ZMYM2: variants seen among roughly 807,000 people sequenced by gnomAD.
ZMYM2 encodes zinc finger MYM-type containing 2.
A neutral mutation model predicts 162.8 loss-of-function variants in ZMYM2; 56 were observed. The observed-to-expected ratio is 0.34, with a 90% CI of 0.28 to 0.43. The LOEUF (loss-of-function observed/expected upper bound fraction) is 0.43, where lower values mean the gene tolerates loss of function less well. Among genes scored for constraint, ZMYM2 ranks in the 20% least tolerant of loss-of-function variants. The probability of loss-of-function intolerance (pLI) is 1.00; values close to 1 mark genes in which losing one functional copy is unlikely to be tolerated. For missense variants in ZMYM2, 1,275 were observed against 1,621.8 expected, an observed-to-expected ratio of 0.79 and a Z score of 3.67; for synonymous variants, 510 against 541.6, an observed-to-expected ratio of 0.94 and a Z score of 0.81.
chr13:20,036,105 G>A (rs1953671512), intron 11 of ZMYM2, among the ~76,000 whole-genome samples: 1 of 152,100 alleles, frequency 6.6e-6, no homozygotes, highest in African/African-American at 2.4e-5. Flanking sequence ...TACTTACATA[G>A]CACAGTATAA....
At chr13:19,933,766 T>C in the ZMYM2 span, among the ~76,000 whole-genome samples, 1 of 152,130 alleles carries the variant, frequency 6.6e-6, no homozygotes, top group Non-Finnish European at 1.5e-5. Context: ...TCAATGACAG[T>C]TGTTAGATGT....
intron 16 of ZMYM2, 120 bp downstream of exon 16, chr13:20,059,682 G>A: frequency 3.7e-6 from 2 of 533,930 alleles, no homozygotes; most frequent in East Asian, 3.4e-5. Flanking sequence ...ATATGTGGAT[G>A]ATTTTTTTTT....
chr13:20,022,426 T>C (rs1174192893), intron 7 of ZMYM2, among the ~76,000 whole-genome samples: 1 of 152,196 alleles, frequency 6.6e-6, no homozygotes, highest in East Asian at 1.9e-4. Flanking sequence ...TTTTCCATTA[T>C]TGTGTGTTAA....
At chr13:19,935,853 G>C in the ZMYM2 span, among the ~76,000 whole-genome samples, 1 of 152,076 alleles carries the variant, frequency 6.6e-6, no homozygotes, top group Non-Finnish European at 1.5e-5. Context: ...TCTTTTTCTG[G>C]AAATAAATAA....
the ZMYM2 span, among the ~76,000 whole-genome samples, chr13:19,879,046 G>T: frequency 2.0e-5 from 3 of 152,134 alleles, no homozygotes; most frequent in African/African-American, 7.2e-5. Flanking sequence ...TTTACTGTCA[G>T]AACTAAGAGA....
At chr13:20,082,360 G>A (rs1187041032) in intron 22 of ZMYM2, among the ~76,000 whole-genome samples, 1 of 152,126 alleles carries the variant, frequency 6.6e-6, no homozygotes, top group East Asian at 1.9e-4. Flanking sequence ...TCTGGAGTAC[G>A]AGACTGGATG....
chr13:19,958,522 G>C (rs1185371911), upstream of ZMYM2: 1 of 152,626 alleles, frequency 6.6e-6, no homozygotes, highest in African/African-American at 2.4e-5. Flanking sequence ...CGGCGGAGGC[G>C]GGAGTGGAAC....
chr13:19,987,891 C>T (rs1371310882), intron 2 of ZMYM2, among the ~76,000 whole-genome samples: 7 of 152,182 alleles, frequency 4.6e-5, no homozygotes, highest in East Asian at 1.9e-4. Flanking sequence ...GGATTACAGG[C>T]GTGAGCCACT....
At chr13:19,953,728 A>C (rs1469025336), upstream of ZMYM2, among the ~76,000 whole-genome samples, 6 of 148,468 alleles carry the variant, frequency 4.0e-5, no homozygotes, top group African/African-American at 1.5e-4. Context: ...GGTTCATTTG[A>C]GATTACTCTC....
At chr13:19,931,213 T>G in the ZMYM2 span, among the ~76,000 whole-genome samples, 1 of 151,830 alleles carries the variant, frequency 6.6e-6, no homozygotes, top group Non-Finnish European at 1.5e-5. Context: ...CTCTATTGTG[T>G]GCTTTCTATT....
rs1368314356 is a variant in ZMYM2, at chr13:20,082,046, A to T, written c.3484A>T (p.Ile1162Leu). 1.2e-6 allele frequency: 2 copies of T among 1,601,790 alleles called. No homozygotes were observed. The highest frequency in any genetic ancestry group is 1.7e-6 in the Non-Finnish European group (2 of 1,176,428). Reference sequence around the variant, plus strand: ...GTGTGGAAGTAATCGAAAAGACAACATATTTATTGATCCTGGATACCAAAC... The same window carrying T: ...GTGTGGAAGTAATCGAAAAGACAACTTATTTATTGATCCTGGATACCAAAC... ...YLCGSNRKDN[I>L]FIDPGYQTFE... is the part of the protein sequence containing the mutation. Residue 1162 changes from isoleucine to leucine, a missense_variant, in exon 22 of 25, where the codon ATA becomes TTA. By Grantham distance (5) the Ile-to-Leu change is conservative (BLOSUM62 2). Around this residue, in one of 10 missense-constraint regions of ZMYM2, gnomAD observed 103 missense variants for 192.2 expected, o/e 0.54. Coordinates refer to ENST00000610343, the MANE Select transcript of ZMYM2 (RefSeq NM_197968.4).
chr13:19,973,289 A>G (rs1410264764), intron 2 of ZMYM2, among the ~76,000 whole-genome samples: 1 of 152,124 alleles, frequency 6.6e-6, no homozygotes, highest in Non-Finnish European at 1.5e-5. Context: ...TTTTTCATGT[A>G]ATGGAGAAAT....
At chr13:19,903,017 A>G in the ZMYM2 span, among the ~76,000 whole-genome samples, 1 of 151,736 alleles carries the variant, frequency 6.6e-6, no homozygotes, top group Admixed American at 6.6e-5. Flanking sequence ...TTAGCCAGGC[A>G]TGGTGGTGCA....
At chr13:19,866,527 T>TG in the ZMYM2 span, among the ~76,000 whole-genome samples, 3 of 151,410 alleles carry the variant, frequency 2.0e-5, no homozygotes, top group African/African-American at 7.3e-5. Flanking sequence ...TAGCCGGGCG[T>TG]GGTGGCGCAT....
At chr13:19,866,415 C>T in the ZMYM2 span, among the ~76,000 whole-genome samples, 1 of 152,100 alleles carries the variant, frequency 6.6e-6, no homozygotes, top group African/African-American at 2.4e-5. Context: ...CTTGTAATCC[C>T]AGCACTTTGG....
the ZMYM2 span, among the ~76,000 whole-genome samples, chr13:19,866,099 G>A: frequency 1.3e-5 from 2 of 150,852 alleles, no homozygotes; most frequent in South Asian, 2.1e-4. Context: ...GCCCACGCCT[G>A]TAATCCCAGC....
At chr13:20,048,856 A>G (rs1955058103) in intron 12 of ZMYM2, among the ~76,000 whole-genome samples, 1 of 151,186 alleles carries the variant, frequency 6.6e-6, no homozygotes, top group Non-Finnish European at 1.5e-5. Flanking sequence ...TGATTTCACA[A>G]TGACAAGAAA....
At chr13:20,005,654 TTG>T (rs1367316014) in intron 5 of ZMYM2, among the ~76,000 whole-genome samples, 4 of 152,212 alleles carry the variant, frequency 2.6e-5, no homozygotes, top group Non-Finnish European at 5.9e-5. Context: ...ATTATTAATA[TTG>T]TGTTAAATAA....
upstream of ZMYM2, among the ~76,000 whole-genome samples, chr13:19,956,865 A>G (rs530089016): frequency 3.3e-5 from 5 of 152,346 alleles, no homozygotes; most frequent in South Asian, 6.2e-4. Flanking sequence ...AATTATTACA[A>G]TTTGGTAGTA....
Sources: gnomAD v4.1 joint callset for allele counts (sites outside exome capture counted in the v4.1 genomes callset) on GRCh38, gnomAD v4.1.1 for gene constraint, gnomAD v4.1.1 regional missense constraint, MANE v1.5 for transcripts, NCBI Gene and HGNC (gene_info 2026-07-23, HGNC 2026-07-21) for gene names.